IPO7: variants seen among roughly 807,000 people sequenced by gnomAD.
IPO7 encodes importin-7.
Under a neutral mutation model 136.4 loss-of-function variants are expected in IPO7, and 13 were observed. That is an observed-to-expected ratio of 0.10 (90% CI 0.06 to 0.15). The LOEUF is 0.15. IPO7 is among the 10% of genes least tolerant of loss of function. IPO7 has a pLI of 1.00. For missense variants in IPO7, 857 were observed against 1,240.6 expected, an observed-to-expected ratio of 0.69 and a Z score of 4.65; for synonymous variants, 403 against 404.4, an observed-to-expected ratio of 1.00 and a Z score of 0.04.
chr11:9,414,482 G>C, intron 5 of IPO7, 71 bp downstream of exon 5: 1 of 994,640 alleles, frequency 1.0e-6, no homozygotes, highest in Non-Finnish European at 1.5e-6. Flanking sequence ...AATTAACAAA[G>C]AATTTCAGCA....
Position 9,445,179 on chromosome 11 carries a change from A to G in IPO7, c.3102A>G (p.Ala1034=), listed in dbSNP as rs1855511313. 31 of 1,589,262 alleles carry G rather than the reference A, an allele frequency of 2.0e-5. No individual in the cohort carries two copies. The highest frequency in any genetic ancestry group is 2.5e-5 in the Non-Finnish European group (29 of 1,157,262). The change falls in exon 25 of 25, where the codon GCA becomes GCG. Residue 1034 remains alanine, a synonymous_variant. Transcript: ENST00000379719. ...VPSSFNFGGP[A]PGMN ...GTTCTTTCAATTTTGGAGGCCCAGCACCAGGGATGAATTGAGTTATCTCTT... is the reference window on the plus strand; with the variant it reads ...GTTCTTTCAATTTTGGAGGCCCAGCGCCAGGGATGAATTGAGTTATCTCTT...
chr11:9,413,114 G>C (rs1201681977), intron 4 of IPO7, among the ~76,000 whole-genome samples: 1 of 151,986 alleles, frequency 6.6e-6, no homozygotes, highest in Non-Finnish European at 1.5e-5. Context: ...TCCTGACCTC[G>C]TGATCCTCCC....
chr11:9,402,399 CAAAAAAAA>C (rs71062846), intron 1 of IPO7, among the ~76,000 whole-genome samples: 12 of 44,896 alleles, frequency 2.7e-4, no homozygotes, highest in African/African-American at 1.4e-3. Flanking sequence ...GACTGTGTCT[CAAAAAAAA>C]AAAAAAAAAA....
intron 1 of IPO7, among the ~76,000 whole-genome samples, chr11:9,391,902 G>A (rs1454665879): frequency 6.6e-6 from 1 of 152,074 alleles, no homozygotes. Flanking sequence ...AACTAGCTGG[G>A]ACTACAGGCG....
At chr11:9,398,241 C>T (rs992253928) in intron 1 of IPO7, among the ~76,000 whole-genome samples, 10 of 152,172 alleles carry the variant, frequency 6.6e-5, no homozygotes, top group Non-Finnish European at 1.5e-5. Context: ...TGCCACGTGT[C>T]ATATGAAGAA....
chr11:9,433,838 A>C lies in IPO7; in HGVS notation c.2066A>C (p.Tyr689Ser). ...FEVFQQDGFD[Y>S]FTDMMPLLHN... ...GTCTTTCAGCAAGATGGCTTTGATT[A>C]CTTTACAGGTGAGTCAAAGCAGCAT... Residue 689 changes from tyrosine to serine, a missense_variant, in exon 18 of 25, where the codon TAC (tyrosine) becomes TCC (serine). By Grantham distance (144) the Tyr-to-Ser change is moderately radical. Coordinates refer to ENST00000379719, the MANE Select transcript of IPO7 (RefSeq NM_006391.3). 1.2e-6 allele frequency: 2 copies of C among 1,610,392 alleles called. No homozygotes were observed. The highest frequency in any genetic ancestry group is 1.7e-6 in the Non-Finnish European group (2 of 1,179,750).
intron 11 of IPO7, 77 bp from the exon 12 acceptor site, chr11:9,425,068 CA>C: frequency 7.8e-7 from 1 of 1,284,370 alleles, no homozygotes. Flanking sequence ...AAATGTTAGT[CA>C]TGTGAGTCAT....
chr11:9,443,813 T>A (rs2133769728), intron 24 of IPO7, among the ~76,000 whole-genome samples: 1 of 152,050 alleles, frequency 6.6e-6, no homozygotes, highest in Non-Finnish European at 1.5e-5. Flanking sequence ...GGCTGGAGGA[T>A]CACTTGAATG....
intron 2 of IPO7, among the ~76,000 whole-genome samples, chr11:9,407,057 G>C (rs1380238487): frequency 2.6e-5 from 4 of 151,990 alleles, no homozygotes; most frequent in African/African-American, 9.7e-5. Context: ...TGTATTGTTG[G>C]GGCAAAAAAT....
intron 11 of IPO7, 29 bp from the exon 12 acceptor site, chr11:9,425,117 A>G (rs766679471): frequency 7.0e-7 from 1 of 1,431,286 alleles, no homozygotes; most frequent in Non-Finnish European, 9.8e-7. Context: ...TGGCCTATTC[A>G]GTAACAATAC....
chr11:9,392,780 C>T (rs1854654487), intron 1 of IPO7, among the ~76,000 whole-genome samples: 1 of 151,880 alleles, frequency 6.6e-6, no homozygotes, highest in South Asian at 2.1e-4. Flanking sequence ...AAAACCCTGT[C>T]TCTACTAAAA....
chr11:9,420,542 A>T (rs766176419), intron 7 of IPO7, 37 bp downstream of exon 7: 140 of 1,573,794 alleles, frequency 8.9e-5, no homozygotes, highest in South Asian at 6.6e-4. Flanking sequence ...AAATTAATTT[A>T]TTAAGGTTTT....
chr11:9,410,112 G>C, intron 4 of IPO7, 26 bp downstream of exon 4: 1 of 1,435,964 alleles, frequency 7.0e-7, no homozygotes, highest in Non-Finnish European at 9.2e-7. Flanking sequence ...AACTCCTATA[G>C]AGCTTTGAGA....
At chr11:9,388,450 C>T (rs1854582869) in intron 1 of IPO7, among the ~76,000 whole-genome samples, 1 of 151,486 alleles carries the variant, frequency 6.6e-6, no homozygotes, top group Non-Finnish European at 1.5e-5. Flanking sequence ...GCTGGGATTA[C>T]AGGAATGAGC....
In IPO7 at chr11:9,420,619, G is replaced by A; in HGVS notation, c.827G>A (p.Gly276Glu). ...GCATTTTGATGTTCTTTTAGATATG[G>A]AAGCCCTGGCAATGTTTCCAAGGAG... The part of the protein sequence containing the change: ...HILARLFERY[G>E]SPGNVSKEYN... Residue 276 changes from glycine (G) to glutamate (E), a missense_variant, in exon 8 of 25, where the codon GGA becomes GAA. Gly to Glu is a moderately conservative substitution (Grantham distance 98). Transcript: ENST00000379719. 1 of 1,611,512 alleles carries A rather than the reference G, an allele frequency of 6.2e-7. No individual in the cohort carries two copies. The highest frequency in any genetic ancestry group is 8.5e-7 in the Non-Finnish European group (1 of 1,177,830).
intron 12 of IPO7, among the ~76,000 whole-genome samples, chr11:9,426,182 C>T (rs892102977): frequency 6.6e-6 from 1 of 152,218 alleles, no homozygotes; most frequent in Non-Finnish European, 1.5e-5. Flanking sequence ...CCACATATCA[C>T]CCCAAATCTC....
chr11:9,384,823 G>A lies in IPO7; in HGVS notation c.60G>A (p.Glu20=), dbSNP rs1386931689. The change falls in exon 1 of 25, where the codon GAG becomes GAA. Residue 20 remains glutamate, a synonymous_variant. Coordinates refer to ENST00000379719, the MANE Select transcript of IPO7 (RefSeq NM_006391.3). ...GCACTATGGACCCAGCCCTGCGTGAGGCCGCGGAGCGCCAGCTCAATGAAG... is the reference window on the plus strand; with the variant it reads ...GCACTATGGACCCAGCCCTGCGTGAAGCCGCGGAGCGCCAGCTCAATGAAG... The part of the protein sequence containing the change: ...LRGTMDPALR[E]AAERQLNEAH... The A allele has an allele frequency of 1.2e-6, 2 of 1,605,426 alleles. No individual in the cohort carries two copies. Among genetic ancestry groups the A allele is most frequent in the South Asian group, 2.2e-5 (2 of 89,500 alleles).
At position 9,437,920 on chromosome 11, in the gene IPO7, C is replaced by G; in HGVS notation, c.2435C>G (p.Pro812Arg). 6.2e-7 allele frequency: 1 copy of G among 1,613,834 alleles called. No homozygotes were observed. Among genetic ancestry groups the G allele is most frequent in the Non-Finnish European group, 8.5e-7 (1 of 1,179,856 alleles). Residue 812 changes from proline to arginine, a missense_variant, in exon 21 of 25, where the codon CCA (proline) becomes CGA (arginine). Physicochemically the swap from Pro to Arg is moderately radical, Grantham distance 103 (BLOSUM62 -2). Transcript: ENST00000379719. ...ENLRFPNNVE[P>R]VTNHFITQWL... ...CTTCGCTTCCCTAATAATGTTGAAC[C>G]AGTTACAAATCATTTTATTACACAG...
chr11:9,409,183 G>C (rs577511505), intron 3 of IPO7, among the ~76,000 whole-genome samples: 2 of 150,580 alleles, frequency 1.3e-5, no homozygotes, highest in East Asian at 2.0e-4. Context: ...ATCTCGGCTC[G>C]CTACAGCCTC....
Sources: allele counts gnomAD v4.1 joint callset (sites outside exome capture counted in the v4.1 genomes callset), GRCh38; gene constraint gnomAD v4.1.1; transcripts MANE v1.5; gene names NCBI Gene and HGNC (gene_info 2026-07-23, HGNC 2026-07-21).